The following FYTTD1 variants were observed in gnomAD, a reference collection of about 807,000 sequenced individuals.
FYTTD1 encodes the protein UAP56-interacting factor.
A neutral mutation model predicts 40.9 loss-of-function variants in FYTTD1; 22 were observed. The ratio of observed to expected loss-of-function variants is 0.54; its 90% CI spans 0.38 to 0.77. The LOEUF is 0.77. FYTTD1 is among the 30% of genes least tolerant of loss of function. FYTTD1 has a pLI of 0.00. For missense variants in FYTTD1, 351 were observed against 392.2 expected, an observed-to-expected ratio of 0.90 and a Z score of 0.89; for synonymous variants, 140 against 137.9, an observed-to-expected ratio of 1.01 and a Z score of -0.10.
chr3:197,771,969 C>T (rs953743227), intron 4 of FYTTD1, among the ~76,000 whole-genome samples: 1 of 151,828 alleles, frequency 6.6e-6, no homozygotes, highest in Admixed American at 6.6e-5. Context: ...TGGTTCATGC[C>T]TGTAGTTCCA....
rs778535722 is a variant in FYTTD1, at chr3:197,781,792, GT to G, written c.859-12del. 4.5e-6 allele frequency: 7 copies of G among 1,565,212 alleles called. No individual in the cohort carries two copies. Among genetic ancestry groups the G allele is most frequent in the Non-Finnish European group, 4.4e-6 (5 of 1,147,134 alleles). On this transcript the variant is annotated intron_variant, in intron 8 of 8. Transcript: ENST00000241502. ...TAATTGTTGCTTTGTTGTTGTTTTT[GT>G]TTTTTTCTTTTCTCTAGACAGGGAT...
intron 2 of FYTTD1, among the ~76,000 whole-genome samples, chr3:197,764,708 CAAA>C (rs375534910): frequency 8.9e-5 from 8 of 89,564 alleles, no homozygotes; most frequent in Non-Finnish European, 1.1e-4. Context: ...GAGTCCGTCC[CAAA>C]AAAAAAAAAA....
At chr3:197,769,888 A>G (rs934133929) in intron 3 of FYTTD1, among the ~76,000 whole-genome samples, 2 of 151,934 alleles carry the variant, frequency 1.3e-5, no homozygotes, top group East Asian at 1.9e-4. Flanking sequence ...CTTGAGTTCC[A>G]GAGCCACGAT....
chr3:197,750,754 C>T, intron 1 of FYTTD1: 2 of 985,540 alleles, frequency 2.0e-6, no homozygotes, highest in Non-Finnish European at 2.4e-6. Flanking sequence ...GGCCTCAGAG[C>T]TAGCTAATGG....
rs768040827 is a variant in FYTTD1, at chr3:197,774,193, A to G, written c.639A>G (p.Val213=). The G allele has an allele frequency of 6.2e-6, 10 of 1,614,022 alleles. No individual in the cohort carries two copies. Among genetic ancestry groups the G allele is most frequent in the Non-Finnish European group, 8.5e-6 (10 of 1,179,856 alleles). ...CAGAACAACTGCTAGACGATGTAGTAGCAAAGAGAACTCGTCAGTAAGTTT... is the reference window on the plus strand; with the variant it reads ...CAGAACAACTGCTAGACGATGTAGTGGCAAAGAGAACTCGTCAGTAAGTTT... The part of the protein sequence containing the change: ...LNTEQLLDDV[V]AKRTRQWRTS... Residue 213 remains valine, a synonymous_variant, in exon 6 of 9, where the codon GTA becomes GTG. Transcript: ENST00000241502.
At position 197,768,495 on chromosome 3, in the gene FYTTD1, C is replaced by T; in HGVS notation, c.292C>T (p.Pro98Ser). The T allele has an allele frequency of 6.2e-7, 1 of 1,612,828 alleles. No individual in the cohort carries two copies. The highest frequency in any genetic ancestry group is 8.5e-7 in the Non-Finnish European group (1 of 1,178,984). ...RGRVMPGKRR[P>S]NGVITGLAAR... ...AAGAGTAATGCCTGGAAAGAGACGTCCTAATGGAGTTATCACTGGCCTTGC... is the reference window on the plus strand; with the variant it reads ...AAGAGTAATGCCTGGAAAGAGACGTTCTAATGGAGTTATCACTGGCCTTGC... Residue 98 changes from proline to serine, a missense_variant, in exon 3 of 9, where the codon CCT (proline) becomes TCT (serine). Physicochemically the swap from Pro to Ser is moderately conservative, Grantham distance 74 (BLOSUM62 -1). Transcript: ENST00000241502.
intron 3 of FYTTD1, among the ~76,000 whole-genome samples, chr3:197,769,272 G>A (rs1729641945): frequency 6.7e-6 from 1 of 150,148 alleles, no homozygotes; most frequent in South Asian, 2.1e-4. Flanking sequence ...ATTTTTAGTA[G>A]AGACGGGGTT....
intron 6 of FYTTD1, among the ~76,000 whole-genome samples, chr3:197,776,518 G>A (rs1729880868): frequency 6.6e-6 from 1 of 150,960 alleles, no homozygotes; most frequent in Admixed American, 6.6e-5. Flanking sequence ...CCAGTGCCCG[G>A]CTGCAGCAAG....
At chr3:197,773,335 C>A in intron 4 of FYTTD1, 68 bp from the exon 5 acceptor site, 1 of 909,756 alleles carries the variant, frequency 1.1e-6, no homozygotes, top group Non-Finnish European at 1.7e-6. Context: ...ACTATTTTTG[C>A]TTATTTTTCC....
chr3:197,766,268 T>A (rs1235550734), intron 2 of FYTTD1, among the ~76,000 whole-genome samples: 1 of 152,170 alleles, frequency 6.6e-6, no homozygotes, highest in East Asian at 1.9e-4. Flanking sequence ...AAAATATATC[T>A]GTGGTTCTAT....
At chr3:197,762,552 G>T (rs1283841233) in intron 2 of FYTTD1, among the ~76,000 whole-genome samples, 2 of 146,372 alleles carry the variant, frequency 1.4e-5, no homozygotes, top group African/African-American at 2.6e-5. Flanking sequence ...TCGCGTCACT[G>T]CACTCCACCC....
chr3:197,765,183 C>T (rs1729509063), intron 2 of FYTTD1, among the ~76,000 whole-genome samples: 1 of 152,130 alleles, frequency 6.6e-6, no homozygotes, highest in South Asian at 2.1e-4. Context: ...TGTTTTAATC[C>T]ATTTGATTCC....
At chr3:197,752,076 A>T (rs1409546598) in intron 1 of FYTTD1, among the ~76,000 whole-genome samples, 1 of 152,142 alleles carries the variant, frequency 6.6e-6, no homozygotes, top group Non-Finnish European at 1.5e-5. Flanking sequence ...GGGTTTCACC[A>T]TGTTGGCCAG....
At chr3:197,754,347 C>T (rs935046028) in intron 1 of FYTTD1, among the ~76,000 whole-genome samples, 1 of 152,018 alleles carries the variant, frequency 6.6e-6, no homozygotes, top group Non-Finnish European at 1.5e-5. Context: ...ACATTAATTT[C>T]AAGAAGACAA....
chr3:197,779,313 G>T lies in FYTTD1; in HGVS notation c.858+849G>T, dbSNP rs1729958224. 5.9e-5 allele frequency among the ~76,000 whole-genome samples: 9 copies of T among 151,954 alleles called. 1 individual carries two copies. The highest frequency in any genetic ancestry group is 5.9e-4 in the Admixed American group (9 of 15,252). On this transcript the variant is annotated intron_variant, in intron 8 of 8. Coordinates refer to ENST00000241502, the MANE Select transcript of FYTTD1 (RefSeq NM_032288.7). Reference sequence around the variant, plus strand: ...GCCTGTAATCCCAGCTACTAAGGAGGCTGAGGCAGGAGAATTGCTTGAACC... The same window carrying T: ...GCCTGTAATCCCAGCTACTAAGGAGTCTGAGGCAGGAGAATTGCTTGAACC...
intron 6 of FYTTD1, among the ~76,000 whole-genome samples, chr3:197,775,016 T>C (rs1192897471): frequency 6.6e-6 from 1 of 152,262 alleles, no homozygotes; most frequent in African/African-American, 2.4e-5. Context: ...TAGTGCCACG[T>C]AGATTACTTC....
rs866964616 is a variant in FYTTD1 at position 197,778,348 on chromosome 3, C to T, written c.742C>T (p.Pro248Ser). The T allele has an allele frequency of 6.3e-7, 1 of 1,592,774 alleles. No homozygotes were observed. Among genetic ancestry groups the T allele is most frequent in the South Asian group, 1.2e-5 (1 of 85,626 alleles). Residue 248 changes from proline (P) to serine (S), a missense_variant, in exon 8 of 9, where the codon CCA (proline) becomes TCA (serine). Physicochemically the swap from Pro to Ser is moderately conservative, Grantham distance 74 (BLOSUM62 -1). Coordinates refer to ENST00000241502, the MANE Select transcript of FYTTD1 (RefSeq NM_032288.7). ...ATATTTTTCTAATAGAACTCAGAAACCACGATTAACTCGTACTGCTGTACC... is the reference window on the plus strand; with the variant it reads ...ATATTTTTCTAATAGAACTCAGAAATCACGATTAACTCGTACTGCTGTACC... ...GAVQCPVTQK[P>S]RLTRTAVPSF...
chr3:197,749,979 G>A lies in FYTTD1; in HGVS notation c.8G>A (p.Arg3Gln), dbSNP rs866742144. 6.3e-7 allele frequency: 1 copy of A among 1,581,112 alleles called. No individual in the cohort carries two copies. The highest frequency in any genetic ancestry group is 8.6e-7 in the Non-Finnish European group (1 of 1,165,664). Residue 3 changes from arginine to glutamine, a missense_variant, in exon 1 of 9, where the codon CGG becomes CAG. By Grantham distance (43) the Arg-to-Gln change is conservative. Coordinates refer to ENST00000241502, the MANE Select transcript of FYTTD1 (RefSeq NM_032288.7). MNRFGTRLVGATA... is the reference protein window; with the variant it reads MNQFGTRLVGATA... The stretch of plus-strand genomic sequence containing the variant: ...GGCGCGACGTCTCCAGCCATGAACC[G>A]GTTTGGTACCCGGTTGGTGGGAGCC...
intron 2 of FYTTD1, among the ~76,000 whole-genome samples, chr3:197,764,720 A>C (rs1446291337): frequency 6.6e-6 from 1 of 151,808 alleles, no homozygotes; most frequent in Non-Finnish European, 1.5e-5. Flanking sequence ...AAAAAAAAAA[A>C]AAAAGCAGAG....
Sources: gnomAD v4.1 joint callset for allele counts (sites outside exome capture counted in the v4.1 genomes callset) on GRCh38, gnomAD v4.1.1 for gene constraint, MANE v1.5 for transcripts, NCBI Gene and HGNC (gene_info 2026-07-23, HGNC 2026-07-21) for gene names.